The following ADAMTS3 variants were observed in gnomAD, a reference collection of about 807,000 sequenced individuals.
The protein encoded by ADAMTS3 is ADAM metallopeptidase with thrombospondin type 1 motif 3.
A neutral mutation model predicts 129.0 loss-of-function variants in ADAMTS3; 73 were observed. That is an observed-to-expected ratio of 0.57 (90% CI 0.47 to 0.69). ADAMTS3 has a LOEUF of 0.69. Among genes scored for constraint, ADAMTS3 ranks in the 30% least tolerant of loss-of-function variants. The pLI, the probability that ADAMTS3 is intolerant of heterozygous loss-of-function variation, is 0.00. For missense variants in ADAMTS3, 1,457 were observed against 1,514.5 expected, an observed-to-expected ratio of 0.96 and a Z score of 0.63; for synonymous variants, 477 against 510.8, an observed-to-expected ratio of 0.93 and a Z score of 0.89.
intron 3 of ADAMTS3, among the ~76,000 whole-genome samples, chr4:72,418,105 G>C (rs75518545): frequency 6.6e-6 from 1 of 151,882 alleles, no homozygotes; most frequent in Non-Finnish European, 1.5e-5. Context: ...AAAAGTAATT[G>C]ACAGGGCAGT....
At chr4:72,322,521 TA>T (rs978063341) in intron 6 of ADAMTS3, among the ~76,000 whole-genome samples, 8 of 152,184 alleles carry the variant, frequency 5.3e-5, no homozygotes, top group Non-Finnish European at 1.0e-4. Flanking sequence ...ACCTTCCTCT[TA>T]AGTGGAAAGA....
intron 3 of ADAMTS3, among the ~76,000 whole-genome samples, chr4:72,473,552 GAAAA>G (rs765504651): frequency 8.5e-6 from 1 of 117,276 alleles, no homozygotes; most frequent in African/African-American, 3.2e-5. Context: ...AAACACCACA[GAAAA>G]AAAAAAAAAA....
intron 15 of ADAMTS3, among the ~76,000 whole-genome samples, chr4:72,308,548 A>G (rs976405422): frequency 6.6e-6 from 1 of 151,986 alleles, no homozygotes; most frequent in Non-Finnish European, 1.5e-5. Context: ...CTTCTTGAGC[A>G]AACACCACAT....
At chr4:72,487,626 C>T (rs1719624663) in intron 3 of ADAMTS3, among the ~76,000 whole-genome samples, 1 of 152,098 alleles carries the variant, frequency 6.6e-6, no homozygotes, top group African/African-American at 2.4e-5. Flanking sequence ...AAACGCTTTC[C>T]ATCTCTTATT....
At chr4:72,470,361 T>TTATATATATATATATATATATATATA (rs143241307) in intron 3 of ADAMTS3, among the ~76,000 whole-genome samples, 5 of 116,470 alleles carry the variant, frequency 4.3e-5, no homozygotes, top group Non-Finnish European at 3.6e-5. Context: ...TATTTTAAGT[T>TTATATATATATATATATATATATATA]TATATATATA....
chr4:72,365,975 A>C (rs961242231), intron 4 of ADAMTS3, among the ~76,000 whole-genome samples: 1 of 152,210 alleles, frequency 6.6e-6, no homozygotes, highest in African/African-American at 2.4e-5. Context: ...CTCCAGCACT[A>C]ATGAATGCTC....
rs1221711032 is a variant in ADAMTS3, at chr4:72,303,936, T to C, written c.2405A>G (p.His802Arg). ...ACATACCAAAACAATAACAGGATCA[T>C]GTAAAGGTCCATCGGTGTGAAGACT... Reference protein sequence around the residue: ...IESLHTDGPLHDPVIVLIIPQ... With the variant: ...IESLHTDGPLRDPVIVLIIPQ... The change falls in exon 17 of 22, where the codon CAT becomes CGT. Residue 802 changes from histidine (H) to arginine (R), a missense_variant. Physicochemically the swap from His to Arg is conservative, Grantham distance 29. Coordinates refer to ENST00000286657, the MANE Select transcript of ADAMTS3 (RefSeq NM_014243.3). 1.2e-6 allele frequency: 2 copies of C among 1,613,444 alleles called. No homozygotes were observed. The highest frequency in any genetic ancestry group is 1.7e-6 in the Non-Finnish European group (2 of 1,179,652).
chr4:72,386,054 C>A (rs1578634667), intron 4 of ADAMTS3, among the ~76,000 whole-genome samples: 1 of 151,980 alleles, frequency 6.6e-6, no homozygotes, highest in South Asian at 2.1e-4. Flanking sequence ...TGATTTCCAG[C>A]CATCATCTAT....
At chr4:72,513,101 T>G (rs1343227951) in intron 3 of ADAMTS3, among the ~76,000 whole-genome samples, 1 of 152,230 alleles carries the variant, frequency 6.6e-6, no homozygotes, top group Non-Finnish European at 1.5e-5. Flanking sequence ...AGCCATGTAC[T>G]GTCTCTGGAG....
intron 5 of ADAMTS3, among the ~76,000 whole-genome samples, chr4:72,325,203 T>G (rs1487862919): frequency 2.0e-5 from 3 of 152,066 alleles, no homozygotes; most frequent in Non-Finnish European, 2.9e-5. Context: ...TTAAAACCAT[T>G]CACATTATTA....
At chr4:72,297,725 C>A (rs1718844666) in intron 18 of ADAMTS3, among the ~76,000 whole-genome samples, 1 of 152,108 alleles carries the variant, frequency 6.6e-6, no homozygotes, top group Non-Finnish European at 1.5e-5. Context: ...GGGCAATTAT[C>A]TTCTGTGTGC....
At chr4:72,306,168 G>C in intron 15 of ADAMTS3, 101 bp from the exon 16 acceptor site, 5 of 741,196 alleles carry the variant, frequency 6.7e-6, no homozygotes, top group Non-Finnish European at 1.1e-5. Context: ...GCGTGCAGAA[G>C]AGGGCATCCA....
intron 20 of ADAMTS3, among the ~76,000 whole-genome samples, chr4:72,289,173 G>A (rs896666483): frequency 6.6e-6 from 1 of 152,066 alleles, no homozygotes; most frequent in African/African-American, 2.4e-5. Flanking sequence ...ACTAAATGAA[G>A]GCAAAGGAAC....
chr4:72,551,792 C>A (rs1721651799), intron 2 of ADAMTS3, among the ~76,000 whole-genome samples: 1 of 152,168 alleles, frequency 6.6e-6, no homozygotes, highest in Admixed American at 6.6e-5. Flanking sequence ...CTGTTCTGAT[C>A]ATTTTGACTC....
At chr4:72,307,484 G>A (rs1719117761) in intron 15 of ADAMTS3, among the ~76,000 whole-genome samples, 1 of 151,990 alleles carries the variant, frequency 6.6e-6, no homozygotes, top group Non-Finnish European at 1.5e-5. Flanking sequence ...AAGTGAAAGC[G>A]CCTCTTGTCT....
intron 4 of ADAMTS3, among the ~76,000 whole-genome samples, chr4:72,366,398 C>T (rs1278757230): frequency 6.6e-6 from 1 of 152,000 alleles, no homozygotes; most frequent in Non-Finnish European, 1.5e-5. Flanking sequence ...TCCCAGGTTG[C>T]CAGAGGTTTA....
intron 19 of ADAMTS3, among the ~76,000 whole-genome samples, chr4:72,291,944 T>C (rs1718682633): frequency 6.6e-6 from 1 of 152,198 alleles, no homozygotes; most frequent in African/African-American, 2.4e-5. Context: ...TGCCTCTCAG[T>C]GACTCTGAAA....
chr4:72,492,283 C>T (rs1719768659), intron 3 of ADAMTS3, among the ~76,000 whole-genome samples: 1 of 149,766 alleles, frequency 6.7e-6, no homozygotes, highest in African/African-American at 2.4e-5. Context: ...TTTATTGTGT[C>T]CTTATTTATG....
intron 4 of ADAMTS3, among the ~76,000 whole-genome samples, chr4:72,406,372 G>T (rs548531095): frequency 4.1e-4 from 62 of 152,190 alleles, no homozygotes; most frequent in Admixed American, 2.8e-3. Flanking sequence ...ATTCAACATT[G>T]TAAGATAACG....
Sources: allele counts gnomAD v4.1 joint callset (sites outside exome capture counted in the v4.1 genomes callset), GRCh38; gene constraint gnomAD v4.1.1; transcripts MANE v1.5; gene names NCBI Gene and HGNC (gene_info 2026-07-23, HGNC 2026-07-21).